The following RALGAPA2 variants were observed in gnomAD, a reference collection of about 807,000 sequenced individuals.
RALGAPA2 encodes the protein Ral GTPase activating protein catalytic subunit alpha 2, also known as ral GTPase-activating protein subunit alpha-2.
In RALGAPA2, 139 loss-of-function variants were observed where a neutral mutation model predicts 230.4. The observed-to-expected ratio is 0.60, with a 90% CI of 0.53 to 0.69. The LOEUF is 0.69. RALGAPA2 is among the 30% of genes least tolerant of loss of function. RALGAPA2 has a pLI of 0.00. For missense variants in RALGAPA2, 2,163 were observed against 2,276.0 expected (o/e 0.95, Z 1.01); for synonymous variants, 847 against 837.8 (o/e 1.01, Z -0.19).
intron 24 of RALGAPA2, among the ~76,000 whole-genome samples, chr20:20,540,516 T>G (rs1012836142): frequency 1.3e-5 from 2 of 152,150 alleles, no homozygotes; most frequent in Non-Finnish European, 2.9e-5. Flanking sequence ...TCAAAGAACA[T>G]AACACTTTTT....
At position 20,591,233 on chromosome 20, in the gene RALGAPA2, A is replaced by G. The variant is rs1187762302; in HGVS notation, c.2285T>C (p.Leu762Pro). The G allele has an allele frequency of 1.2e-6, 2 of 1,613,930 alleles. No homozygotes were observed. Among genetic ancestry groups the G allele is most frequent in the African/African-American group, 2.7e-5 (2 of 75,036 alleles). Reference sequence around the variant, plus strand: ...GATGTCGGAGGTGCTGCTGCTCCGAAGGACCTGCTGCTGCTGTCCCACTGT... The same window carrying G: ...GATGTCGGAGGTGCTGCTGCTCCGAGGGACCTGCTGCTGCTGTCCCACTGT... Reference protein sequence around the residue: ...HLTVGQQQQVLRSSSTSDIPE... With the variant: ...HLTVGQQQQVPRSSSTSDIPE... The change falls in exon 17 of 40, where the codon CTT (leucine) becomes CCT (proline). Residue 762 changes from leucine to proline, a missense_variant. Physicochemically the swap from Leu to Pro is moderately conservative, Grantham distance 98. Transcript: ENST00000202677.
intron 36 of RALGAPA2, among the ~76,000 whole-genome samples, chr20:20,484,116 G>T (rs977086308): frequency 1.3e-5 from 2 of 152,144 alleles, no homozygotes; most frequent in African/African-American, 4.8e-5. Flanking sequence ...GTTTGTACTT[G>T]TGCATTTATG....
chr20:20,547,763 G>C (rs1037128981), intron 23 of RALGAPA2, among the ~76,000 whole-genome samples: 3 of 152,030 alleles, frequency 2.0e-5, no homozygotes, highest in Non-Finnish European at 4.4e-5. Flanking sequence ...GTCGCTTTAT[G>C]ATGAGGATAC....
Position 20,605,327 on chromosome 20 carries a change from G to A in RALGAPA2, c.1886C>T (p.Ser629Phe), listed in dbSNP as rs773832737. 3.1e-6 allele frequency: 5 copies of A among 1,613,750 alleles called. No homozygotes were observed. Among genetic ancestry groups the A allele is most frequent in the Non-Finnish European group, 3.4e-6 (4 of 1,179,796 alleles). Residue 629 changes from serine (S) to phenylalanine (F), a missense_variant, in exon 15 of 40, where the codon TCC (serine) becomes TTC (phenylalanine). Transcript: ENST00000202677. ...LWDDFLGVLS[S>F]LTEWEELINE... is the part of the protein sequence containing the mutation. The stretch of plus-strand genomic sequence containing the variant: ...TATAAGTTCCTCCCATTCCGTGAGG[G>A]AGGACAGCACACCAAGAAAGTCATC...
At chr20:20,530,562 A>G (rs1038916952) in intron 27 of RALGAPA2, among the ~76,000 whole-genome samples, 9 of 152,192 alleles carry the variant, frequency 5.9e-5, no homozygotes, top group African/African-American at 2.2e-4. Context: ...TGGTCATCCT[A>G]TGGGCAGAAG....
chr20:20,553,505 T>C (rs2063989596), intron 23 of RALGAPA2, among the ~76,000 whole-genome samples: 1 of 152,070 alleles, frequency 6.6e-6, no homozygotes, highest in South Asian at 2.1e-4. Context: ...TGAGCTGTAA[T>C]TGTAAGACTG....
chr20:20,606,151 CT>C (rs888658144), intron 14 of RALGAPA2, among the ~76,000 whole-genome samples: 6 of 152,146 alleles, frequency 3.9e-5, no homozygotes, highest in African/African-American at 1.4e-4. Flanking sequence ...AGCTACAGCC[CT>C]TTTCCTTCCA....
chr20:20,410,289 T>C (rs2060033717), intron 38 of RALGAPA2, among the ~76,000 whole-genome samples: 1 of 152,224 alleles, frequency 6.6e-6, no homozygotes, highest in Non-Finnish European at 1.5e-5. Flanking sequence ...GGCTAAAATA[T>C]ACATAGAAAA....
chr20:20,583,019 A>T (rs2065031255), intron 20 of RALGAPA2, 31 bp downstream of exon 20: 1 of 1,602,730 alleles, frequency 6.2e-7, no homozygotes, highest in Non-Finnish European at 8.5e-7. Context: ...AGCTGTTTGC[A>T]TTAGTGCCTC....
chr20:20,450,163 T>C (rs80110014), intron 37 of RALGAPA2, among the ~76,000 whole-genome samples: 3,021 of 152,330 alleles, frequency 0.02, 37 homozygotes, highest in South Asian at 0.027. Flanking sequence ...GAAAAATCAC[T>C]GTGATGGAAC....
rs776028822 is a variant in RALGAPA2 at position 20,472,785 on chromosome 20, T to C, written c.5495+44A>G. On this transcript the variant is annotated intron_variant, in intron 37 of 39. Coordinates refer to ENST00000202677, the MANE Select transcript of RALGAPA2 (RefSeq NM_020343.4). ...TATGAAAAACTGCCAGGAATCTTGA[T>C]TCTGGGATGGTTAGTAAGTTACACA... 3.4e-5 allele frequency: 54 copies of C among 1,574,170 alleles called. 1 individual carries two copies. Among genetic ancestry groups the C allele is most frequent in the Non-Finnish European group, 4.4e-5 (51 of 1,160,632 alleles).
chr20:20,689,602 A>T (rs2068829111), intron 1 of RALGAPA2, among the ~76,000 whole-genome samples: 2 of 152,238 alleles, frequency 1.3e-5, no homozygotes, highest in African/African-American at 2.4e-5. Context: ...AGATCGCGCC[A>T]CTGCACACCA....
rs529670055 is a variant in RALGAPA2 at position 20,591,322 on chromosome 20, C to T, written c.2204-8G>A. 2.5e-6 allele frequency: 4 copies of T among 1,609,698 alleles called. No individual in the cohort carries two copies. Among genetic ancestry groups the T allele is most frequent in the East Asian group, 4.5e-5 (2 of 44,728 alleles). ...GTTGACACTCCTCCACTTCTGTGAGCATTAACAAAACATGCAAAGTTACAG... is the reference window on the plus strand; with the variant it reads ...GTTGACACTCCTCCACTTCTGTGAGTATTAACAAAACATGCAAAGTTACAG... On this transcript the variant is annotated splice_region_variant and splice_polypyrimidine_tract_variant and intron_variant, in intron 16 of 39. Transcript: ENST00000202677.
chr20:20,430,594 G>A lies in RALGAPA2; in HGVS notation c.5496-18446C>T, dbSNP rs377476649. 2.0e-5 allele frequency among the ~76,000 whole-genome samples: 3 copies of A among 152,324 alleles called. 1 individual carries two copies. The highest frequency in any genetic ancestry group is 6.5e-5 in the Admixed American group (1 of 15,302). ...GTTCTGATCCTGATCAAGTATACTG[G>A]TGATTTACTTTGTAGACTGATGTTT... On this transcript the variant is annotated intron_variant, in intron 37 of 39. Transcript: ENST00000202677.
In RALGAPA2 at chr20:20,571,616, G is replaced by A. The variant is rs773078070; in HGVS notation, c.3001-3C>T. On this transcript the variant is annotated splice_polypyrimidine_tract_variant and splice_region_variant and intron_variant, in intron 22 of 39. Coordinates refer to ENST00000202677, the MANE Select transcript of RALGAPA2 (RefSeq NM_020343.4). ...TATTCATTTGGCAGTGTCGCCGCCT[G>A]TCAAGGAGATGATGTTTCCAGATTA... The A allele has an allele frequency of 9.3e-6, 15 of 1,607,132 alleles. No homozygotes were observed. The highest frequency in any genetic ancestry group is 1.3e-5 in the Non-Finnish European group (15 of 1,176,782).
intron 1 of RALGAPA2, among the ~76,000 whole-genome samples, chr20:20,694,583 C>T (rs994761403): frequency 6.6e-6 from 1 of 152,196 alleles, no homozygotes; most frequent in Non-Finnish European, 1.5e-5. Flanking sequence ...AGGCCTGAAA[C>T]TCATGACCTG....
chr20:20,604,788 G>C (rs2065768333), intron 15 of RALGAPA2, among the ~76,000 whole-genome samples: 1 of 152,038 alleles, frequency 6.6e-6, no homozygotes, highest in Non-Finnish European at 1.5e-5. Context: ...GGAAGCCAAA[G>C]GATTGGACAT....
chr20:20,470,007 G>A (rs772790526), intron 37 of RALGAPA2, among the ~76,000 whole-genome samples: 2 of 152,132 alleles, frequency 1.3e-5, no homozygotes, highest in Non-Finnish European at 2.9e-5. Context: ...GCGATGAACC[G>A]TTCCTGAGGG....
intron 23 of RALGAPA2, among the ~76,000 whole-genome samples, chr20:20,570,708 T>C (rs2064600106): frequency 6.6e-6 from 1 of 152,210 alleles, no homozygotes; most frequent in African/African-American, 2.4e-5. Flanking sequence ...GATTCTATCC[T>C]ACTATCACAT....
Sources: gnomAD v4.1 joint callset for allele counts (sites outside exome capture counted in the v4.1 genomes callset) on GRCh38, gnomAD v4.1.1 for gene constraint, MANE v1.5 for transcripts, NCBI Gene and HGNC (gene_info 2026-07-23, HGNC 2026-07-21) for gene names.